Variants in TLK1 observed in about 807,000 individuals in gnomAD.
The protein encoded by TLK1 is serine/threonine-protein kinase tousled-like 1.
Under a neutral mutation model 105.3 loss-of-function variants are expected in TLK1, and 24 were observed. The observed-to-expected ratio is 0.23, with a 90% CI of 0.17 to 0.32. The LOEUF is 0.32. TLK1 is among the 10% of genes least tolerant of loss of function. The pLI is 1.00. For missense variants in TLK1, 558 were observed against 910.5 expected, an observed-to-expected ratio of 0.61 and a Z score of 4.98; for synonymous variants, 321 against 310.4, an observed-to-expected ratio of 1.03 and a Z score of -0.36.
chr2:171,148,184 C>CTAG (rs2105590637), intron 1 of TLK1, among the ~76,000 whole-genome samples: 1 of 152,280 alleles, frequency 6.6e-6, no homozygotes, highest in South Asian at 2.1e-4. Flanking sequence ...GCCACCACAC[C>CTAG]CAGCAGCAGC....
chr2:171,097,304 TC>T (rs1276849509), intron 2 of TLK1, among the ~76,000 whole-genome samples: 2 of 152,122 alleles, frequency 1.3e-5, no homozygotes, highest in African/African-American at 4.8e-5. Flanking sequence ...GACCCTTATC[TC>T]ATACCATATA....
intron 1 of TLK1, among the ~76,000 whole-genome samples, chr2:171,127,277 C>CA (rs772854408): frequency 7.1e-3 from 361 of 50,964 alleles, no homozygotes; most frequent in East Asian, 0.015. Flanking sequence ...ACTCCCGTCT[C>CA]AAAAAAAAAA....
chr2:171,061,005 G>A, intron 4 of TLK1, 76 bp downstream of exon 4: 2 of 1,346,520 alleles, frequency 1.5e-6, no homozygotes, highest in South Asian at 1.3e-5. Flanking sequence ...TACAATTAGA[G>A]TATTAATTGG....
intron 18 of TLK1, among the ~76,000 whole-genome samples, chr2:171,001,487 C>A (rs1270315582): frequency 6.6e-6 from 1 of 152,104 alleles, no homozygotes; most frequent in Non-Finnish European, 1.5e-5. Flanking sequence ...TCCAGGCCTC[C>A]TTGTTGTATA....
At chr2:171,135,317 G>GTATATA (rs1445251221) in intron 1 of TLK1, among the ~76,000 whole-genome samples, 5 of 53,392 alleles carry the variant, frequency 9.4e-5, no homozygotes, top group African/African-American at 5.0e-4. Flanking sequence ...GTGTGTGTGT[G>GTATATA]TGTATATATA....
At chr2:171,132,741 G>T (rs13432813) in intron 1 of TLK1, among the ~76,000 whole-genome samples, 59,912 of 151,850 alleles carry the variant, frequency 0.39, 13,329 homozygotes, top group African/African-American at 0.58. Flanking sequence ...TAGCTGGGTG[G>T]GGTGATCCCA....
intron 2 of TLK1, among the ~76,000 whole-genome samples, chr2:171,085,325 G>A (rs1440552267): frequency 6.6e-6 from 1 of 151,916 alleles, no homozygotes; most frequent in Non-Finnish European, 1.5e-5. Flanking sequence ...GGGAGGCAGA[G>A]GTTGCAGCGA....
intron 1 of TLK1, among the ~76,000 whole-genome samples, chr2:171,134,080 A>T (rs901548104): frequency 2.8e-4 from 42 of 152,136 alleles, no homozygotes; most frequent in Non-Finnish European, 2.5e-4. Context: ...TGTAAACCTA[A>T]ATGCCATGCA....
At position 171,109,863 on chromosome 2, in the gene TLK1, A is replaced by G. The variant is rs118065178; in HGVS notation, c.258+7876T>C. Among the ~76,000 whole-genome samples the G allele has an allele frequency of 2.8e-3, 423 of 152,340 alleles. 7 individuals carry two copies. Among genetic ancestry groups the G allele is most frequent in the Admixed American group, 0.02 (305 of 15,294 alleles). ...ATCTCAAAAACACTACATTAAATAA[A>G]GGATGCCAGATACAAAAGAATATAC... On this transcript the variant is annotated intron_variant, in intron 2 of 20. Transcript: ENST00000431350.
At chr2:171,080,544 A>AAATAAT (rs71008747) in intron 3 of TLK1, among the ~76,000 whole-genome samples, 1,876 of 145,010 alleles carry the variant, frequency 0.013, 13 homozygotes, top group Middle Eastern at 0.033. Flanking sequence ...AGATACACTA[A>AAATAAT]AATAATAATA....
chr2:171,220,325 G>C (rs1031569957), intron 1 of TLK1, among the ~76,000 whole-genome samples: 1 of 152,172 alleles, frequency 6.6e-6, no homozygotes, highest in African/African-American at 2.4e-5. Flanking sequence ...GAGCCCTGGT[G>C]ATTTGCCTCT....
At chr2:171,187,057 C>CAA (rs71013019) in intron 1 of TLK1, among the ~76,000 whole-genome samples, 389 of 34,008 alleles carry the variant, frequency 0.011, 39 homozygotes, top group East Asian at 0.028. Flanking sequence ...GACTCTGTCT[C>CAA]AAAAAAAAAA....
chr2:171,061,654 A>G (rs190439213), intron 3 of TLK1, among the ~76,000 whole-genome samples: 95 of 152,356 alleles, frequency 6.2e-4, no homozygotes, highest in African/African-American at 2.2e-3. Flanking sequence ...CCTGGCAATT[A>G]TTATCCAACC....
At chr2:171,219,159 C>A (rs1693764349) in intron 1 of TLK1, among the ~76,000 whole-genome samples, 1 of 152,124 alleles carries the variant, frequency 6.6e-6, no homozygotes. Context: ...TGTTTTCTTT[C>A]AGTTCTGGAG....
chr2:171,187,077 AAAAAAAG>A (rs1693042256), intron 1 of TLK1, among the ~76,000 whole-genome samples: 1 of 129,208 alleles, frequency 7.7e-6, no homozygotes, highest in African/African-American at 3.5e-5. Flanking sequence ...AAAAAAAAAA[AAAAAAAG>A]AAAAAGAAAA....
chr2:171,159,222 T>G (rs1692353408), intron 1 of TLK1, among the ~76,000 whole-genome samples: 1 of 152,218 alleles, frequency 6.6e-6, no homozygotes, highest in Non-Finnish European at 1.5e-5. Flanking sequence ...GCCTATCTCC[T>G]CGTGTGCGAC....
At chr2:171,168,115 G>A (rs1692643365) in intron 1 of TLK1, among the ~76,000 whole-genome samples, 1 of 151,920 alleles carries the variant, frequency 6.6e-6, no homozygotes, top group Non-Finnish European at 1.5e-5. Context: ...AAATTTTTTT[G>A]TAGGCAAAAG....
chr2:171,104,467 A>G (rs34563349), intron 2 of TLK1, among the ~76,000 whole-genome samples: 1 of 152,010 alleles, frequency 6.6e-6, no homozygotes, highest in East Asian at 1.9e-4. Flanking sequence ...ATACTGTGAA[A>G]ATGACATACT....
In TLK1 at chr2:171,082,862, A is replaced by AT; in HGVS notation, c.259-11dup. ...CGTTATTTGTTGAGGCCTGTTAAAG[A>AT]TTTTTTAAAAGGTAAAAATTAGGAG... On this transcript the variant is annotated splice_polypyrimidine_tract_variant and intron_variant, in intron 2 of 20. Coordinates refer to ENST00000431350, the MANE Select transcript of TLK1 (RefSeq NM_012290.5). 6.3e-7 allele frequency: 1 copy of AT among 1,592,874 alleles called. No individual in the cohort carries two copies. Among genetic ancestry groups the AT allele is most frequent in the Non-Finnish European group, 8.5e-7 (1 of 1,172,290 alleles).
Sources: gnomAD v4.1 joint callset for allele counts (sites outside exome capture counted in the v4.1 genomes callset) on GRCh38, gnomAD v4.1.1 for gene constraint, MANE v1.5 for transcripts, NCBI Gene and HGNC (gene_info 2026-07-23, HGNC 2026-07-21) for gene names.